IFIT1B: variants seen among roughly 807,000 people sequenced by gnomAD.
IFIT1B encodes the protein interferon induced protein with tetratricopeptide repeats 1B.
Under a neutral mutation model 2.5 loss-of-function variants are expected in IFIT1B, and 3 were observed. That is an observed-to-expected ratio of 1.21 (90% CI 0.55 to 3.14). The LOEUF is 3.14. Among genes scored for constraint, IFIT1B ranks in the 30% most tolerant of loss-of-function variants. The pLI, the probability that IFIT1B is intolerant of heterozygous loss-of-function variation, is 0.03. For synonymous variants in IFIT1B, 196 were observed against 203.0 expected (o/e 0.97, Z 0.29); for missense variants, 545 against 556.5 (o/e 0.98, Z 0.21).
chr10:89,384,713 C>A lies in IFIT1B; in HGVS notation c.1400C>A (p.Ala467Asp), dbSNP rs756515884. ...TGCTATGAGAGGGCTCTGAGGCTGG[C>A]TGCTGACCTGAACCCTATATTTTAA... ...LLCYERALRL[A>D]ADLNPIF Residue 467 changes from alanine to aspartate, a missense_variant, in exon 2 of 2, where the codon GCT becomes GAT. By Grantham distance (126) the Ala-to-Asp change is moderately radical (BLOSUM62 -2). Coordinates refer to ENST00000371809, the MANE Select transcript of IFIT1B (RefSeq NM_001010987.2). 3.7e-6 allele frequency: 6 copies of A among 1,613,100 alleles called. No individual in the cohort carries two copies. Among genetic ancestry groups the A allele is most frequent in the Non-Finnish European group, 5.1e-6 (6 of 1,179,510 alleles).
At chr10:89,383,177 G>GA in intron 1 of IFIT1B, 142 bp from the exon 2 acceptor site, 1 of 706,104 alleles carries the variant, frequency 1.4e-6, no homozygotes, top group South Asian at 1.9e-5. Context: ...CTAATGACAT[G>GA]ACTGTAGAAC....
Position 89,384,952 on chromosome 10 carries a change from C to T in IFIT1B, c.*214C>T. ...GGCCTTGTGGCACCAGACATAAGAC[C>T]CCCTGAAAGTATCATCCCTCCTGAT... On this transcript the variant is annotated 3_prime_UTR_variant, in exon 2 of 2. Transcript: ENST00000371809. 1 of 523,466 alleles carries T rather than the reference C, an allele frequency of 1.9e-6. No individual in the cohort carries two copies. The highest frequency in any genetic ancestry group is 3.4e-6 in the Non-Finnish European group (1 of 296,684). The allele number at this position is 523,466 out of a possible 1,614,324, so 32.4% of individuals were successfully genotyped here. A position where few individuals can be genotyped will look rare whatever the true frequency, so the allele number is the denominator to read the frequency against.
chr10:89,383,171 T>C (rs1844175959), intron 1 of IFIT1B, 148 bp from the exon 2 acceptor site: 1 of 682,970 alleles, frequency 1.5e-6, no homozygotes. Context: ...TCTTTCCTAA[T>C]GACATGACTG....
At chr10:89,381,740 T>C (rs7096890) in intron 1 of IFIT1B, among the ~76,000 whole-genome samples, 19,834 of 152,100 alleles carry the variant, frequency 0.13, 3,368 homozygotes, top group African/African-American at 0.39. Flanking sequence ...ATTCATTATC[T>C]TGTGAATCCT....
At position 89,384,787 on chromosome 10, in the gene IFIT1B, GA is replaced by G; in HGVS notation, c.*50del. 1 of 1,407,166 alleles carries G rather than the reference GA, an allele frequency of 7.1e-7. No individual in the cohort carries two copies. The highest frequency in any genetic ancestry group is 9.7e-7 in the Non-Finnish European group (1 of 1,029,094). The allele number at this position is 1,407,166 out of a possible 1,614,324, so 87.2% of individuals were successfully genotyped here. On this transcript the variant is annotated 3_prime_UTR_variant, in exon 2 of 2. Coordinates refer to ENST00000371809, the MANE Select transcript of IFIT1B (RefSeq NM_001010987.2). ...TAATGGTCTTATAACTAAATAGAAT[GA>G]CTATGAAATTAAATAATGCAAACTT...
chr10:89,383,569 C>G lies in IFIT1B; in HGVS notation c.256C>G (p.His86Asp). Residue 86 changes from histidine (H) to aspartate (D), a missense_variant, in exon 2 of 2, where the codon CAT (histidine) becomes GAT (aspartate). Physicochemically the swap from His to Asp is moderately conservative, Grantham distance 81 (BLOSUM62 -1). Coordinates refer to ENST00000371809, the MANE Select transcript of IFIT1B (RefSeq NM_001010987.2). ...GGCTGAAGACTTAATTCAGAAAGAA[C>G]ATGCCAACCAAGCAGATATTAGAAG... Reference protein sequence around the residue: ...KKAEDLIQKEHANQADIRSLV... With the variant: ...KKAEDLIQKEDANQADIRSLV... 1.9e-6 allele frequency: 3 copies of G among 1,614,200 alleles called. No individual in the cohort carries two copies. In the East Asian group the frequency reaches 6.7e-5, roughly 36 times the overall value.
chr10:89,379,967 G>A (rs112405582), intron 1 of IFIT1B, among the ~76,000 whole-genome samples: 5,141 of 151,866 alleles, frequency 0.034, 301 homozygotes, highest in African/African-American at 0.12. Flanking sequence ...CCTGGGAGGC[G>A]GAGCTTGAAG....
intron 1 of IFIT1B, among the ~76,000 whole-genome samples, chr10:89,380,809 C>T (rs557669820): frequency 6.6e-6 from 1 of 152,274 alleles, no homozygotes; most frequent in Admixed American, 6.5e-5. Flanking sequence ...GGACTTTAGG[C>T]TCTCAGCATT....
chr10:89,378,567 A>T lies in IFIT1B; in HGVS notation c.5+427A>T, dbSNP rs1022981319. On this transcript the variant is annotated intron_variant, in intron 1 of 1. Coordinates refer to ENST00000371809, the MANE Select transcript of IFIT1B (RefSeq NM_001010987.2). ...GAGCACAGTGGGAGCTTAGGAATTA[A>T]TTCCATGACCTTCACCTCCTCCTGC... Among the ~76,000 whole-genome samples the T allele has an allele frequency of 2.6e-5, 4 of 152,234 alleles. No homozygotes were observed. In the East Asian group the frequency reaches 7.7e-4, roughly 29 times the overall value.
intron 1 of IFIT1B, among the ~76,000 whole-genome samples, chr10:89,381,866 A>T (rs1476923120): frequency 6.6e-6 from 1 of 151,276 alleles, no homozygotes; most frequent in Non-Finnish European, 1.5e-5. Context: ...GTTCATGGCA[A>T]CCTCCACTTT....
rs1331271109 is a variant in IFIT1B at position 89,383,646 on chromosome 10, G to A, written c.333G>A (p.Leu111=). 6.2e-7 allele frequency: 1 copy of A among 1,614,228 alleles called. No individual in the cohort carries two copies. The part of the protein sequence containing the change: ...FAWVYYHMGR[L]AEAQTYLDKV... ...GGGTGTATTACCACATGGGCAGATTGGCAGAAGCCCAGACTTACCTGGACA... is the reference window on the plus strand; with the variant it reads ...GGGTGTATTACCACATGGGCAGATTAGCAGAAGCCCAGACTTACCTGGACA... Residue 111 remains leucine (L), a synonymous_variant, in exon 2 of 2, where the codon TTG becomes TTA. Transcript: ENST00000371809.
In IFIT1B at chr10:89,384,512, C is replaced by G; in HGVS notation, c.1199C>G (p.Thr400Ser). Residue 400 changes from threonine (T) to serine (S), a missense_variant, in exon 2 of 2, where the codon ACC becomes AGC. Thr to Ser is a moderately conservative substitution (Grantham distance 58). Transcript: ENST00000371809. ...HHGKSQDKAI[T>S]HYLKGLKIEK... ...GGGAAATCTCAAGATAAAGCAATTA[C>G]CCATTATTTAAAAGGTTTGAAAATA... 1.2e-6 allele frequency: 2 copies of G among 1,613,874 alleles called. No individual in the cohort carries two copies. The highest frequency in any genetic ancestry group is 2.2e-5 in the South Asian group (2 of 91,076).
chr10:89,378,790 G>A (rs1377233797), intron 1 of IFIT1B, among the ~76,000 whole-genome samples: 7 of 152,190 alleles, frequency 4.6e-5, no homozygotes, highest in Admixed American at 2.0e-4. Flanking sequence ...TACAGAGCTC[G>A]CTTAGTAAGG....
chr10:89,381,106 G>A (rs1844159172), intron 1 of IFIT1B, among the ~76,000 whole-genome samples: 1 of 152,154 alleles, frequency 6.6e-6, no homozygotes. Flanking sequence ...GCTCACAAAT[G>A]TGCTGGGTGG....
At chr10:89,378,862 T>C (rs1000633006) in intron 1 of IFIT1B, among the ~76,000 whole-genome samples, 2 of 152,192 alleles carry the variant, frequency 1.3e-5, no homozygotes, top group African/African-American at 4.8e-5. Flanking sequence ...CAATCTTATT[T>C]CCAAAGATGT....
At position 89,384,263 on chromosome 10, in the gene IFIT1B, C is replaced by G; in HGVS notation, c.950C>G (p.Thr317Ser). 1 of 1,614,180 alleles carries G rather than the reference C, an allele frequency of 6.2e-7. No individual in the cohort carries two copies. Among genetic ancestry groups the G allele is most frequent in the Non-Finnish European group, 8.5e-7 (1 of 1,180,038 alleles). The change falls in exon 2 of 2, where the codon ACT becomes AGT. Residue 317 changes from threonine to serine, a missense_variant. Thr to Ser is a moderately conservative substitution (Grantham distance 58). Transcript: ENST00000371809. ...NWQPRGQDRE[T>S]VDRLVQLAIC... ...CAGCCTAGAGGGCAAGATAGGGAAA[C>G]TGTGGACAGATTGGTTCAATTGGCT...
Position 89,384,413 on chromosome 10 carries a change from T to C in IFIT1B, c.1100T>C (p.Leu367Ser). The part of the protein sequence containing the change: ...RKAEEHFQKG[L>S]RMKIFEDQLK... ...GCTGAGGAACATTTTCAGAAAGGGTTACGCATGAAGATCTTTGAAGATCAG... is the reference window on the plus strand; with the variant it reads ...GCTGAGGAACATTTTCAGAAAGGGTCACGCATGAAGATCTTTGAAGATCAG... The change falls in exon 2 of 2, where the codon TTA becomes TCA. Residue 367 changes from leucine to serine, a missense_variant. Leu to Ser is a moderately radical substitution (Grantham distance 145). Coordinates refer to ENST00000371809, the MANE Select transcript of IFIT1B (RefSeq NM_001010987.2). 1 of 1,614,172 alleles carries C rather than the reference T, an allele frequency of 6.2e-7. No homozygotes were observed. Among genetic ancestry groups the C allele is most frequent in the Non-Finnish European group, 8.5e-7 (1 of 1,180,050 alleles).
In IFIT1B at chr10:89,384,250, C is replaced by T. The variant is rs753893299; in HGVS notation, c.937C>T (p.Gln313Ter). 2 of 1,614,074 alleles carry T rather than the reference C, an allele frequency of 1.2e-6. No homozygotes were observed. Among genetic ancestry groups the T allele is most frequent in the Non-Finnish European group, 1.7e-6 (2 of 1,180,034 alleles). The change falls in exon 2 of 2, where the codon CAA (glutamine) becomes TAA (stop). Residue 313 changes from glutamine (Q) to a stop codon, truncating the protein, a stop_gained. Transcript: ENST00000371809. LOFTEE classifies it low-confidence loss of function (END_TRUNC). ...AGCTACAAACTGGCAGCCTAGAGGG[C>T]AAGATAGGGAAACTGTGGACAGATT... ...KEATNWQPRG[Q>*]DRETVDRLVQ... is the part of the protein sequence containing the mutation.
In IFIT1B at chr10:89,378,283, A is replaced by G. The variant is rs542860104; in HGVS notation, c.5+143A>G. On this transcript the variant is annotated intron_variant, in intron 1 of 1. Coordinates refer to ENST00000371809, the MANE Select transcript of IFIT1B (RefSeq NM_001010987.2). ...TCTGACCCTGATAGGCACCCTCAAC[A>G]TGATAACCAAGAAGAGTTTAATAAG... The G allele has an allele frequency of 4.1e-5, 31 of 763,512 alleles. 1 individual carries two copies. In the South Asian group the frequency reaches 4.9e-4, roughly 12 times the overall value. The allele number at this position is 763,512 out of a possible 1,614,324, so 47.3% of individuals were successfully genotyped here.
Sources: gnomAD v4.1 joint callset for allele counts (sites outside exome capture counted in the v4.1 genomes callset) on GRCh38, gnomAD v4.1.1 for gene constraint, MANE v1.5 for transcripts, NCBI Gene and HGNC (gene_info 2026-07-23, HGNC 2026-07-21) for gene names.